Variants in SLC37A3 observed in about 807,000 individuals in gnomAD.
SLC37A3 encodes the protein solute carrier family 37 member 3.
Under a neutral mutation model 67.1 loss-of-function variants are expected in SLC37A3, and 51 were observed. That is an observed-to-expected ratio of 0.76 (90% CI 0.61 to 0.96). The LOEUF is 0.96. Among genes scored for constraint, SLC37A3 ranks in the 40% least tolerant of loss-of-function variants. The pLI is 0.00. For synonymous variants in SLC37A3, 214 were observed against 231.4 expected (o/e 0.92, Z 0.68); for missense variants, 508 against 603.0 (o/e 0.84, Z 1.65).
chr7:140,340,919 C>A, intron 13 of SLC37A3, among the ~76,000 whole-genome samples: 1 of 127,978 alleles, frequency 7.8e-6, no homozygotes, highest in Non-Finnish European at 1.6e-5. Context: ...GCATAAGAGC[C>A]AGATGCTGTC....
chr7:140,340,311 T>C (rs1796310363), intron 13 of SLC37A3, among the ~76,000 whole-genome samples: 1 of 151,686 alleles, frequency 6.6e-6, no homozygotes. Context: ...TTTTTTTCTT[T>C]CCTCTCCCAC....
intron 1 of SLC37A3, among the ~76,000 whole-genome samples, chr7:140,390,786 T>C (rs1000420178): frequency 6.6e-6 from 1 of 152,178 alleles, no homozygotes; most frequent in African/African-American, 2.4e-5. Flanking sequence ...TTCCTTTCCT[T>C]GCAGATCACT....
intron 5 of SLC37A3, 148 bp downstream of exon 5, chr7:140,364,260 A>T: frequency 1.4e-6 from 1 of 697,298 alleles, no homozygotes; most frequent in Non-Finnish European, 2.2e-6. Context: ...TCGGGGGGGA[A>T]AAAAAAGACT....
intron 2 of SLC37A3, 89 bp from the exon 3 acceptor site, chr7:140,380,479 AATTTTATTTT>A (rs779130643): frequency 3.3e-6 from 3 of 915,742 alleles, no homozygotes; most frequent in African/African-American, 1.7e-5. Context: ...TCTTTTATTC[AATTTTATTTT>A]ATTTTATTTG....
rs1433951951 is a variant in SLC37A3, at chr7:140,345,407, T to C, written c.1127-144A>G. The C allele has an allele frequency of 6.2e-6, 4 of 650,058 alleles. No individual in the cohort carries two copies. In the East Asian group the frequency reaches 1.1e-4, roughly 18 times the overall value. 40.3% of individuals were successfully genotyped at this position (650,058 alleles called of 1,614,324 possible). On this transcript the variant is annotated intron_variant, in intron 11 of 14. Coordinates refer to ENST00000326232, the MANE Select transcript of SLC37A3 (RefSeq NM_207113.3). ...AAAGAGACACAACTCTCTCTGCCTC[T>C]TTCAACTCTGATTTGTAACGTCTGC... is the stretch of plus-strand genomic sequence containing the variant.
chr7:140,337,992 A>AG (rs1796210383), intron 13 of SLC37A3, among the ~76,000 whole-genome samples: 1 of 150,810 alleles, frequency 6.6e-6, no homozygotes, highest in Non-Finnish European at 1.5e-5. Context: ...CCAGGTTCAC[A>AG]TCATTCTCCT....
rs767427544 is a variant in SLC37A3, at chr7:140,380,405, G to C, written c.90-15C>G. ...GCAACGAATAACTACAAAATAGAGA[G>C]AATACAGATGAATGAATAGCAAAGA... On this transcript the variant is annotated splice_polypyrimidine_tract_variant and intron_variant, in intron 2 of 14. Transcript: ENST00000326232. 2 of 1,521,706 alleles carry C rather than the reference G, an allele frequency of 1.3e-6. No homozygotes were observed. Among genetic ancestry groups the C allele is most frequent in the African/African-American group, 2.7e-5 (2 of 73,078 alleles). 94.3% of individuals were successfully genotyped at this position (1,521,706 alleles called of 1,614,324 possible).
chr7:140,376,563 C>T (rs1209370286), intron 3 of SLC37A3, among the ~76,000 whole-genome samples: 1 of 152,144 alleles, frequency 6.6e-6, no homozygotes, highest in African/African-American at 2.4e-5. Context: ...CTAAAGTTCC[C>T]TGTGTGAGTT....
intron 5 of SLC37A3, among the ~76,000 whole-genome samples, chr7:140,360,522 T>A (rs924142113): frequency 6.6e-6 from 1 of 151,864 alleles, no homozygotes; most frequent in East Asian, 1.9e-4. Flanking sequence ...TCACCTGAGG[T>A]CAGGAGTTCA....
At chr7:140,346,240 C>A (rs1276181312) in intron 10 of SLC37A3, among the ~76,000 whole-genome samples, 1 of 152,040 alleles carries the variant, frequency 6.6e-6, no homozygotes, top group East Asian at 1.9e-4. Flanking sequence ...ATTAGCCGGG[C>A]GTGGTGGCGG....
intron 3 of SLC37A3, among the ~76,000 whole-genome samples, chr7:140,373,285 T>C (rs1453868420): frequency 6.6e-6 from 1 of 151,970 alleles, no homozygotes; most frequent in African/African-American, 2.4e-5. Context: ...TGTGAGTAAG[T>C]AGAAAGTCTG....
intron 5 of SLC37A3, among the ~76,000 whole-genome samples, chr7:140,360,298 G>A (rs1414743226): frequency 3.3e-5 from 5 of 151,910 alleles, no homozygotes; most frequent in Non-Finnish European, 7.4e-5. Flanking sequence ...GGATCACACC[G>A]CTGCACTCCA....
chr7:140,350,010 G>A (rs1796729643), intron 9 of SLC37A3, among the ~76,000 whole-genome samples: 1 of 152,152 alleles, frequency 6.6e-6, no homozygotes. Context: ...TAACTTTGTT[G>A]GAAATGTTAG....
At position 140,364,588 on chromosome 7, in the gene SLC37A3, T is replaced by C. The variant is rs1797525226; in HGVS notation, c.292-97A>G. The stretch of plus-strand genomic sequence containing the variant: ...GCAAATGAGACAAACACAGATATTA[T>C]TTAAAATTAACTCTTATACACATGC... On this transcript the variant is annotated intron_variant, in intron 4 of 14. Transcript: ENST00000326232. The C allele has an allele frequency of 1.4e-5, 16 of 1,162,402 alleles. No individual in the cohort carries two copies. In the Middle Eastern group the frequency reaches 5.9e-4, roughly 43 times the overall value. The allele number at this position is 1,162,402 out of a possible 1,614,324, so 72.0% of individuals were successfully genotyped here. A position where few individuals can be genotyped will look rare whatever the true frequency, so the allele number is the denominator to read the frequency against.
chr7:140,362,093 C>G (rs1327489705), intron 5 of SLC37A3, among the ~76,000 whole-genome samples: 1 of 129,088 alleles, frequency 7.7e-6, no homozygotes, highest in Non-Finnish European at 1.7e-5. Context: ...ACCATCCCAT[C>G]TAGGAAGTGA....
At chr7:140,346,783 A>G (rs748830409) in intron 10 of SLC37A3, among the ~76,000 whole-genome samples, 4 of 152,004 alleles carry the variant, frequency 2.6e-5, no homozygotes, top group Non-Finnish European at 5.9e-5. Context: ...ATTCCCAGCT[A>G]CTTGGGAGGC....
intron 2 of SLC37A3, 121 bp from the exon 3 acceptor site, chr7:140,380,511 C>T: frequency 1.6e-6 from 1 of 645,112 alleles, no homozygotes; most frequent in Non-Finnish European, 2.6e-6. Context: ...TGGGCAGCCA[C>T]CTGAACCAAA....
rs1797133157 is a variant in SLC37A3 at position 140,358,656 on chromosome 7, A to ATAACATACCC, written c.504_505insGGGTATGTTA (p.Trp169GlyfsTer41). ...GTGGCATACCCGGCTTTCCCAAACC[A>ATAACATACCC]GTTGCCCATAACAGCAACCACACAG... On this transcript the variant is annotated frameshift_variant, in exon 6 of 15. Transcript: ENST00000326232. LOFTEE classifies it high-confidence loss of function. 1 of 1,614,068 alleles carries ATAACATACCC rather than the reference A, an allele frequency of 6.2e-7. No homozygotes were observed. The highest frequency in any genetic ancestry group is 2.2e-5 in the East Asian group (1 of 44,892).
At chr7:140,358,468 C>A (rs1207559159) in intron 6 of SLC37A3, among the ~76,000 whole-genome samples, 172 bp downstream of exon 6, 1 of 152,132 alleles carries the variant, frequency 6.6e-6, no homozygotes, top group Non-Finnish European at 1.5e-5. Flanking sequence ...AAGGTCCACA[C>A]CATTTCCAAC....
Sources: allele counts gnomAD v4.1 joint callset (sites outside exome capture counted in the v4.1 genomes callset), GRCh38; gene constraint gnomAD v4.1.1; transcripts MANE v1.5; gene names NCBI Gene and HGNC (gene_info 2026-07-23, HGNC 2026-07-21).